CIMIP2A: variants seen among roughly 807,000 people sequenced by gnomAD.
CIMIP2A encodes the protein family with sequence similarity 166 member A.
At chr9:137,252,013 G>A in the CIMIP2A span, 135 of 1,611,544 alleles carry the variant, frequency 8.4e-5, no homozygotes, top group Non-Finnish European at 1.1e-4. Context: ...CTGGAGCAAC[G>A]CCCCCTGATC....
chr9:137,243,842 G>GA, the CIMIP2A span: 4 of 1,577,690 alleles, frequency 2.5e-6, no homozygotes, highest in Non-Finnish European at 3.5e-6. Flanking sequence ...GGACCAGCAT[G>GA]GGCTGGACAC....
At chr9:137,245,153 C>A in the CIMIP2A span, 7 of 1,589,472 alleles carry the variant, frequency 4.4e-6, no homozygotes, top group East Asian at 1.3e-4. Context: ...GGAAGCTGCC[C>A]ACATCTAGCG....
At chr9:137,243,619 C>T in the CIMIP2A span, 35 of 1,612,742 alleles carry the variant, frequency 2.2e-5, no homozygotes, top group East Asian at 1.8e-4. Context: ...CCCAGCCTGT[C>T]CTGTGGCCTG....
the CIMIP2A span, chr9:137,252,786 G>A: frequency 1.3e-6 from 2 of 1,562,618 alleles, no homozygotes; most frequent in Non-Finnish European, 1.7e-6. Flanking sequence ...CCTGGGGCTA[G>A]GGGGCTGGGC....
chr9:137,254,729 A>T, the CIMIP2A span, among the ~76,000 whole-genome samples: 1 of 151,318 alleles, frequency 6.6e-6, no homozygotes, highest in Non-Finnish European at 1.5e-5. Flanking sequence ...AAGAAGGGAC[A>T]CTGTGGAACC....
At chr9:137,250,626 T>A in the CIMIP2A span, 1,128 of 154,570 alleles carry the variant, frequency 7.3e-3, 15 homozygotes, top group African/African-American at 0.026. Context: ...GGGCTCTTGC[T>A]CACACAGGCT....
At chr9:137,245,107 G>T in the CIMIP2A span, 1 of 1,609,050 alleles carries the variant, frequency 6.2e-7, no homozygotes, top group South Asian at 1.1e-5. Flanking sequence ...GCCTTGCGTT[G>T]GATTAGGTTA....
chr9:137,244,336 CAG>C, the CIMIP2A span: 9 of 1,611,124 alleles, frequency 5.6e-6, no homozygotes, highest in East Asian at 2.2e-5. Flanking sequence ...GGCAGGCAAA[CAG>C]ATAGTCAAGT....
chr9:137,253,334 G>C, the CIMIP2A span: 1 of 1,548,294 alleles, frequency 6.5e-7, no homozygotes, highest in African/African-American at 1.4e-5. Context: ...TGGGACTTGG[G>C]GCCCCAGCCT....
chr9:137,245,860 A>G, the CIMIP2A span: 1 of 1,500,220 alleles, frequency 6.7e-7, no homozygotes, highest in Non-Finnish European at 8.9e-7. Flanking sequence ...ATAGCTGTGG[A>G]GGGAAGAGAA....
chr9:137,244,932 G>C, the CIMIP2A span: 3 of 1,600,130 alleles, frequency 1.9e-6, no homozygotes, highest in Non-Finnish European at 2.5e-6. Flanking sequence ...TGGGCTCCTG[G>C]AAGCAGCTGG....
chr9:137,252,858 C>T, the CIMIP2A span: 2 of 1,581,852 alleles, frequency 1.3e-6, no homozygotes, highest in Non-Finnish European at 1.7e-6. Flanking sequence ...AAGAGATGCC[C>T]TGGCCCCAAC....
chr9:137,244,543 A>T, the CIMIP2A span: 8 of 1,546,546 alleles, frequency 5.2e-6, no homozygotes, highest in South Asian at 9.5e-5. Flanking sequence ...CAGGCTTCTC[A>T]GGGAACCTGG....
the CIMIP2A span, chr9:137,252,319 G>A: frequency 5.3e-6 from 7 of 1,323,780 alleles, no homozygotes; most frequent in African/African-American, 8.7e-5. Context: ...GGGCATGGGT[G>A]GACATTGTGA....
the CIMIP2A span, chr9:137,251,269 G>A: frequency 3.9e-6 from 6 of 1,534,794 alleles, no homozygotes; most frequent in Non-Finnish European, 5.4e-6. Flanking sequence ...CGTTGGGGAA[G>A]AGAGCCAGGA....
At chr9:137,243,836 C>T in the CIMIP2A span, 9 of 1,581,744 alleles carry the variant, frequency 5.7e-6, no homozygotes, top group Admixed American at 1.7e-5. Context: ...TGCCCAGGAC[C>T]AGCATGGGCT....
the CIMIP2A span, chr9:137,244,409 A>G: frequency 1.9e-6 from 3 of 1,561,642 alleles, no homozygotes; most frequent in South Asian, 1.2e-5. Flanking sequence ...TAATGCTCCC[A>G]GCCTTCTGCA....
At chr9:137,251,845 G>A in the CIMIP2A span, 2 of 1,607,304 alleles carry the variant, frequency 1.2e-6, no homozygotes, top group Admixed American at 1.7e-5. Context: ...TTACAGACGG[G>A]CACCCCCCAG....
the CIMIP2A span, chr9:137,253,302 C>T: frequency 4.6e-5 from 72 of 1,563,758 alleles, no homozygotes; most frequent in African/African-American, 6.8e-5. Flanking sequence ...TGGCCTCCCC[C>T]GGGGCTTTCC....
Sources: allele counts gnomAD v4.1 joint callset (sites outside exome capture counted in the v4.1 genomes callset), GRCh38; gene constraint gnomAD v4.1.1; transcripts MANE v1.5; gene names NCBI Gene and HGNC (gene_info 2026-07-23, HGNC 2026-07-21).